The following FOXO3 variants were observed in gnomAD, a reference collection of about 807,000 sequenced individuals.
FOXO3 encodes forkhead box protein O3.
FOXO3 carries 4 observed loss-of-function variants against 41.9 expected under a neutral mutation model. That is an observed-to-expected ratio of 0.10 (90% CI 0.05 to 0.22). The LOEUF is 0.22. Ranked by LOEUF, FOXO3 falls within the 10% of genes least tolerant of loss-of-function variation. FOXO3 has a pLI of 1.00. For synonymous variants in FOXO3, 318 were observed against 389.3 expected, an observed-to-expected ratio of 0.82 and a Z score of 2.16; for missense variants, 534 against 906.8, an observed-to-expected ratio of 0.59 and a Z score of 5.28.
rs1156923290 is a variant in FOXO3, at chr6:108,678,869, C to CTTTTTTTTTTT, written c.*35-946_*35-936dup. ...ATAGCAAGACCCCATTTCTTAAATT[C>CTTTTTTTTTTT]TTTTTTTTTTTTTTTTTTTTTTGAG... On this transcript the variant is annotated intron_variant, in intron 2 of 2. Transcript: ENST00000406360. 2.8e-3 allele frequency among the ~76,000 whole-genome samples: 154 copies of CTTTTTTTTTTT among 55,014 alleles called. 16 individuals are homozygous for CTTTTTTTTTTT. Among genetic ancestry groups the CTTTTTTTTTTT allele is most frequent in the African/African-American group, 5.7e-3 (124 of 21,876 alleles). The allele number at this position is 55,014 out of a possible 152,430, so 36.1% of individuals were successfully genotyped here. A position where few individuals can be genotyped will look rare whatever the true frequency, so the allele number is the denominator to read the frequency against.
chr6:108,565,056 T>C (rs1775917283), intron 1 of FOXO3, among the ~76,000 whole-genome samples: 1 of 152,226 alleles, frequency 6.6e-6, no homozygotes, highest in Admixed American at 6.5e-5. Flanking sequence ...TAGCGCTTGC[T>C]TTCCTGAAAG....
At position 108,681,272 on chromosome 6, in the gene FOXO3, CTT is replaced by C. The variant is rs1452478168; in HGVS notation, c.*1483_*1484del. On this transcript the variant is annotated 3_prime_UTR_variant, in exon 3 of 3. Transcript: ENST00000406360. The stretch of plus-strand genomic sequence containing the variant: ...TTCTCCAAAGTGATATATGAAGACT[CTT>C]TTCTTTGCATAAAAAGCATTAGGCA... The C allele has an allele frequency of 5.2e-5, 8 of 152,658 alleles. No individual in the cohort carries two copies. Among genetic ancestry groups the C allele is most frequent in the Non-Finnish European group, 1.0e-4 (7 of 68,044 alleles). The allele number at this position is 152,658 out of a possible 1,614,324, so 9.5% of individuals were successfully genotyped here. A position where few individuals can be genotyped will look rare whatever the true frequency, so the allele number is the denominator to read the frequency against.
intron 1 of FOXO3, chr6:108,656,647 T>A: frequency 1.1e-5 from 3 of 279,584 alleles, no homozygotes; most frequent in Non-Finnish European, 1.6e-5. Context: ...GAGCTTTATT[T>A]AATCTTCCCA....
chr6:108,570,912 C>T (rs1776081332), intron 1 of FOXO3, among the ~76,000 whole-genome samples: 2 of 152,152 alleles, frequency 1.3e-5, no homozygotes, highest in Non-Finnish European at 2.9e-5. Context: ...AAACCCTGGT[C>T]TTCTAAGACC....
intron 1 of FOXO3, among the ~76,000 whole-genome samples, chr6:108,649,809 A>T (rs1778499016): frequency 6.6e-6 from 1 of 152,120 alleles, no homozygotes; most frequent in Non-Finnish European, 1.5e-5. Context: ...AACAGCTAAC[A>T]TTCCACATAA....
chr6:108,603,833 G>C (rs944221267), intron 1 of FOXO3, among the ~76,000 whole-genome samples: 1 of 152,020 alleles, frequency 6.6e-6, no homozygotes, highest in Non-Finnish European at 1.5e-5. Context: ...CATTATTGAA[G>C]CTCAAGAGTT....
At chr6:108,622,773 AG>A (rs1777703963) in intron 1 of FOXO3, among the ~76,000 whole-genome samples, 1 of 151,990 alleles carries the variant, frequency 6.6e-6, no homozygotes, top group South Asian at 2.1e-4. Context: ...ATTTACTCTG[AG>A]CAAGGGTGGC....
At chr6:108,645,838 A>T (rs958221150) in intron 1 of FOXO3, among the ~76,000 whole-genome samples, 15 of 152,214 alleles carry the variant, frequency 9.9e-5, no homozygotes, top group African/African-American at 2.2e-4. Flanking sequence ...TATAATTTTT[A>T]AAAAATCTAA....
chr6:108,623,176 C>T (rs1187302120), intron 1 of FOXO3, among the ~76,000 whole-genome samples: 5 of 152,008 alleles, frequency 3.3e-5, no homozygotes, highest in African/African-American at 1.2e-4. Flanking sequence ...TGGTGATGCG[C>T]TAGGGATAGC....
chr6:108,659,091 C>T (rs890699797), intron 1 of FOXO3, among the ~76,000 whole-genome samples: 1 of 151,878 alleles, frequency 6.6e-6, no homozygotes. Context: ...TGCCATGTTG[C>T]CCAGGCTGGT....
intron 1 of FOXO3, among the ~76,000 whole-genome samples, chr6:108,659,028 G>T (rs1778769968): frequency 6.6e-6 from 1 of 151,964 alleles, no homozygotes. Flanking sequence ...GTGACTATAG[G>T]TACATGCCAC....
rs544485174 is a variant in FOXO3 at position 108,600,277 on chromosome 6, GCTCACA to G, written c.621+38450_621+38455del. Among the ~76,000 whole-genome samples the G allele has an allele frequency of 3.9e-5, 6 of 152,148 alleles. No homozygotes were observed. In the South Asian group the frequency reaches 6.2e-4, roughly 16 times the overall value. On this transcript the variant is annotated intron_variant, in intron 1 of 2. Transcript: ENST00000406360. Reference sequence around the variant, plus strand: ...AACTATGTGTGGGCCAGGTATGGTGGCTCACACCTGTAATCCCAGCACTTTAGGAGG... The same window carrying G: ...AACTATGTGTGGGCCAGGTATGGTGGCCTGTAATCCCAGCACTTTAGGAGG...
chr6:108,568,327 A>G (rs1156471329), intron 1 of FOXO3, among the ~76,000 whole-genome samples: 1 of 151,312 alleles, frequency 6.6e-6, no homozygotes, highest in Non-Finnish European at 1.5e-5. Flanking sequence ...CAAGTTCTTC[A>G]AGCTCTTCAC....
chr6:108,645,782 A>C (rs182242706), intron 1 of FOXO3, among the ~76,000 whole-genome samples: 1 of 152,338 alleles, frequency 6.6e-6, no homozygotes, highest in Admixed American at 6.5e-5. Context: ...GCATTATCTT[A>C]ACATGAACAG....
intron 1 of FOXO3, among the ~76,000 whole-genome samples, chr6:108,573,262 G>A (rs941659444): frequency 6.6e-6 from 1 of 151,660 alleles, no homozygotes; most frequent in Non-Finnish European, 1.5e-5. Context: ...ACTCCAGCCT[G>A]GGTGACAGAG....
chr6:108,647,535 A>G (rs889596823), intron 1 of FOXO3, among the ~76,000 whole-genome samples: 3 of 152,242 alleles, frequency 2.0e-5, no homozygotes, highest in Non-Finnish European at 2.9e-5. Context: ...CCAAAACACC[A>G]CACAGTATGA....
chr6:108,642,952 G>T (rs999586289), intron 1 of FOXO3, among the ~76,000 whole-genome samples: 1 of 152,166 alleles, frequency 6.6e-6, no homozygotes, highest in African/African-American at 2.4e-5. Context: ...GCTGCAGCTT[G>T]TTTCTGGTGT....
chr6:108,585,089 C>T (rs529169626), intron 1 of FOXO3, among the ~76,000 whole-genome samples: 264 of 122,990 alleles, frequency 2.1e-3, no homozygotes, highest in Non-Finnish European at 3.4e-3. Flanking sequence ...GGCCGGACTG[C>T]GGACTGCAAT....
At position 108,624,118 on chromosome 6, in the gene FOXO3, C is replaced by A. The variant is rs1283105537; in HGVS notation, c.622-39337C>A. The stretch of plus-strand genomic sequence containing the variant: ...ATCTGTTTGATGTTTTCGGGATGTC[C>A]TGAGAGAAAAATTCTTTGACCTGCC... On this transcript the variant is annotated intron_variant, in intron 1 of 2. Transcript: ENST00000406360. 2.6e-5 allele frequency among the ~76,000 whole-genome samples: 4 copies of A among 152,158 alleles called. No individual in the cohort carries two copies. In the South Asian group the frequency reaches 8.3e-4, roughly 32 times the overall value.
Sources: gnomAD v4.1 joint callset for allele counts (sites outside exome capture counted in the v4.1 genomes callset) on GRCh38, gnomAD v4.1.1 for gene constraint, MANE v1.5 for transcripts, NCBI Gene and HGNC (gene_info 2026-07-23, HGNC 2026-07-21) for gene names.